The following NDUFAF2 variants were observed in gnomAD, a reference collection of about 807,000 sequenced individuals.
NDUFAF2 encodes NADH:ubiquinone oxidoreductase complex assembly factor 2.
A neutral mutation model predicts 22.8 loss-of-function variants in NDUFAF2; 13 were observed. The observed-to-expected ratio is 0.57, with a 90% CI of 0.37 to 0.91. The LOEUF is 0.91. Among genes scored for constraint, NDUFAF2 ranks in the 40% least tolerant of loss-of-function variants. The pLI, the probability that NDUFAF2 is intolerant of heterozygous loss-of-function variation, is 0.01. For synonymous variants in NDUFAF2, 53 were observed against 64.2 expected (o/e 0.83, Z 0.84); for missense variants, 162 against 195.2 (o/e 0.83, Z 1.01).
At chr5:61,064,492 G>C (rs1349822619) in intron 1 of NDUFAF2, among the ~76,000 whole-genome samples, 1 of 151,944 alleles carries the variant, frequency 6.6e-6, no homozygotes, top group Non-Finnish European at 1.5e-5. Flanking sequence ...GATAGACCTT[G>C]TGTTAGGCCA....
At chr5:61,069,899 T>C (rs542648745) in intron 1 of NDUFAF2, among the ~76,000 whole-genome samples, 262 of 152,260 alleles carry the variant, frequency 1.7e-3, no homozygotes, top group Non-Finnish European at 3.1e-3. Flanking sequence ...GCTTTTTCTT[T>C]TTTTAAAGTT....
chr5:61,013,457 C>T (rs1266431319), intron 1 of NDUFAF2, among the ~76,000 whole-genome samples: 1 of 151,852 alleles, frequency 6.6e-6, no homozygotes, highest in Non-Finnish European at 1.5e-5. Flanking sequence ...TGATTTAATG[C>T]TTTGTGCCTT....
chr5:60,991,887 T>C (rs1413573021), intron 1 of NDUFAF2, among the ~76,000 whole-genome samples: 1 of 152,182 alleles, frequency 6.6e-6, no homozygotes, highest in East Asian at 1.9e-4. Context: ...TTCTCCATAG[T>C]GGTTCTGCTA....
intron 2 of NDUFAF2, among the ~76,000 whole-genome samples, chr5:61,078,966 G>A (rs1752404504): frequency 6.6e-6 from 1 of 152,008 alleles, no homozygotes; most frequent in Admixed American, 6.6e-5. Context: ...GTAAGTTTAA[G>A]CTTGTTTCGT....
At chr5:61,007,175 A>G (rs1023907733) in intron 1 of NDUFAF2, among the ~76,000 whole-genome samples, 1 of 151,778 alleles carries the variant, frequency 6.6e-6, no homozygotes, top group African/African-American at 2.4e-5. Flanking sequence ...GGTGTTTTAG[A>G]CATGAAGTCC....
At chr5:60,951,967 G>A (rs917253950) in intron 1 of NDUFAF2, among the ~76,000 whole-genome samples, 1 of 150,968 alleles carries the variant, frequency 6.6e-6, no homozygotes, top group African/African-American at 2.4e-5. Context: ...TATCTTTTGA[G>A]TAGTTTGCCC....
At chr5:61,091,750 T>C (rs1256120314) in intron 2 of NDUFAF2, among the ~76,000 whole-genome samples, 1 of 152,174 alleles carries the variant, frequency 6.6e-6, no homozygotes, top group African/African-American at 2.4e-5. Context: ...AGAATTGGTG[T>C]CTTCTCATGA....
At chr5:61,075,588 T>A (rs1174447882) in intron 2 of NDUFAF2, among the ~76,000 whole-genome samples, 1 of 152,214 alleles carries the variant, frequency 6.6e-6, no homozygotes, top group Non-Finnish European at 1.5e-5. Context: ...GAGTACGTAA[T>A]GACTCATTTT....
intron 3 of NDUFAF2, among the ~76,000 whole-genome samples, chr5:61,108,545 AG>A (rs2111780556): frequency 6.6e-6 from 1 of 151,474 alleles, no homozygotes; most frequent in African/African-American, 2.5e-5. Flanking sequence ...TGCTCAGTCC[AG>A]TGTCCTAGAG....
chr5:61,017,410 CTT>C (rs1751526177), intron 1 of NDUFAF2, among the ~76,000 whole-genome samples: 2 of 151,514 alleles, frequency 1.3e-5, no homozygotes, highest in South Asian at 4.2e-4. Flanking sequence ...AATTAATTGA[CTT>C]TTGCTAAATT....
At chr5:61,091,303 A>G (rs1454801398) in intron 2 of NDUFAF2, among the ~76,000 whole-genome samples, 1 of 152,138 alleles carries the variant, frequency 6.6e-6, no homozygotes, top group Non-Finnish European at 1.5e-5. Flanking sequence ...ACTCCCACCA[A>G]CAATGTATAG....
intron 1 of NDUFAF2, 86 bp from the exon 2 acceptor site, chr5:61,073,039 G>A (rs2111731805): frequency 1.2e-6 from 1 of 819,872 alleles, no homozygotes; most frequent in Admixed American, 1.8e-5. Flanking sequence ...TACTATATAA[G>A]GGGTTATGCA....
chr5:60,991,530 C>T (rs531027334), intron 1 of NDUFAF2, among the ~76,000 whole-genome samples: 1 of 152,256 alleles, frequency 6.6e-6, no homozygotes, highest in African/African-American at 2.4e-5. Context: ...ATTTTGAGAT[C>T]CCACAAATAA....
intron 1 of NDUFAF2, among the ~76,000 whole-genome samples, chr5:60,991,599 C>A (rs1751159080): frequency 1.3e-5 from 2 of 152,148 alleles, no homozygotes; most frequent in Admixed American, 1.3e-4. Flanking sequence ...ACATAGCAAT[C>A]TCCAGTTCCA....
At chr5:61,064,609 T>G (rs1752206751) in intron 1 of NDUFAF2, among the ~76,000 whole-genome samples, 2 of 151,940 alleles carry the variant, frequency 1.3e-5, no homozygotes, top group South Asian at 4.2e-4. Context: ...ATGTGGAAAT[T>G]TAAAAACATG....
At chr5:61,001,231 A>G (rs957202743) in intron 1 of NDUFAF2, among the ~76,000 whole-genome samples, 4 of 152,118 alleles carry the variant, frequency 2.6e-5, no homozygotes, top group Non-Finnish European at 5.9e-5. Flanking sequence ...TCTGACTAAT[A>G]AGTCCAGATG....
intron 1 of NDUFAF2, among the ~76,000 whole-genome samples, chr5:61,057,354 C>G (rs1420859019): frequency 6.6e-6 from 1 of 152,168 alleles, no homozygotes; most frequent in Non-Finnish European, 1.5e-5. Context: ...CATTGTCTTA[C>G]AACCAGTTAC....
At chr5:60,996,904 C>T (rs888621643) in intron 1 of NDUFAF2, among the ~76,000 whole-genome samples, 10 of 152,050 alleles carry the variant, frequency 6.6e-5, no homozygotes, top group South Asian at 4.2e-4. Flanking sequence ...TGCCTCTTTC[C>T]GGGATATGAA....
intron 3 of NDUFAF2, among the ~76,000 whole-genome samples, chr5:61,123,266 G>A (rs1490746493): frequency 2.6e-5 from 4 of 152,078 alleles, no homozygotes; most frequent in Non-Finnish European, 5.9e-5. Context: ...ATAGTACCAA[G>A]TACAGTCATG....
Sources: gnomAD v4.1 joint callset for allele counts (sites outside exome capture counted in the v4.1 genomes callset) on GRCh38, gnomAD v4.1.1 for gene constraint, MANE v1.5 for transcripts, NCBI Gene and HGNC (gene_info 2026-07-23, HGNC 2026-07-21) for gene names.